Variants in LRRIQ3 observed in about 807,000 individuals in gnomAD.
LRRIQ3 encodes leucine-rich repeat and IQ domain-containing protein 3.
In LRRIQ3, 75 loss-of-function variants were observed where a neutral mutation model predicts 59.3. The observed-to-expected ratio is 1.26, with a 90% CI of 1.05 to 1.53. The LOEUF (loss-of-function observed/expected upper bound fraction) is 1.53. LRRIQ3 is among the 40% of genes most tolerant of loss of function. The pLI, the probability that LRRIQ3 is intolerant of heterozygous loss-of-function variation, is 0.00. For synonymous variants in LRRIQ3, 250 were observed against 231.3 expected, an observed-to-expected ratio of 1.08 and a Z score of -0.73; for missense variants, 831 against 710.0, an observed-to-expected ratio of 1.17 and a Z score of -1.94.
intron 1 of LRRIQ3, among the ~76,000 whole-genome samples, chr1:74,193,366 T>A (rs190292160): frequency 2.6e-5 from 4 of 152,238 alleles, no homozygotes; most frequent in African/African-American, 7.2e-5. Context: ...TTAGTTTGTA[T>A]CAACTAAAGT....
At chr1:74,167,177 T>C (rs921053689) in intron 3 of LRRIQ3, among the ~76,000 whole-genome samples, 3 of 151,920 alleles carry the variant, frequency 2.0e-5, no homozygotes, top group Non-Finnish European at 1.5e-5. Context: ...GCAGCACAAT[T>C]TGGAATTGCA....
intron 4 of LRRIQ3, among the ~76,000 whole-genome samples, chr1:74,128,611 G>A (rs998996399): frequency 2.0e-5 from 3 of 152,008 alleles, no homozygotes; most frequent in African/African-American, 7.2e-5. Flanking sequence ...CATTATTTAG[G>A]TTGTTTGGTG....
chr1:74,105,972 G>A (rs1017633830), intron 5 of LRRIQ3, among the ~76,000 whole-genome samples: 19 of 152,058 alleles, frequency 1.2e-4, no homozygotes, highest in Admixed American at 1.2e-3. Context: ...TGAACATTCA[G>A]TATGTTAGAA....
chr1:74,041,653 A>T lies in LRRIQ3; in HGVS notation c.1278T>A (p.Tyr426Ter), dbSNP rs1221514411. The change falls in exon 7 of 8, where the codon TAT becomes TAA. Residue 426 changes from tyrosine to a stop codon, truncating the protein, a stop_gained. Transcript: ENST00000354431. LOFTEE classifies it high-confidence loss of function. ...KLRTFSDIDK[Y>*]YTEQKKQEYH... is the part of the protein sequence containing the mutation. ...ATTCCTGCTTCTTTTGTTCTGTGTAATATTTGTCAATATCACTAAATGTTC... is the reference window on the plus strand; with the variant it reads ...ATTCCTGCTTCTTTTGTTCTGTGTATTATTTGTCAATATCACTAAATGTTC... The T allele has an allele frequency of 6.2e-7, 1 of 1,613,522 alleles. No homozygotes were observed. The highest frequency in any genetic ancestry group is 8.5e-7 in the Non-Finnish European group (1 of 1,179,820).
chr1:74,151,597 G>T (rs6680375), intron 4 of LRRIQ3, among the ~76,000 whole-genome samples: 81,534 of 151,150 alleles, frequency 0.54, 22,440 homozygotes, highest in East Asian at 0.82. Flanking sequence ...AATCCGGGGT[G>T]GGGGGGATGG....
intron 1 of LRRIQ3, among the ~76,000 whole-genome samples, chr1:74,188,241 G>T (rs181101660): frequency 2.0e-5 from 3 of 152,060 alleles, no homozygotes; most frequent in Admixed American, 6.5e-5. Context: ...CACATAAAGG[G>T]GAACAACACA....
intron 4 of LRRIQ3, among the ~76,000 whole-genome samples, chr1:74,149,495 T>A (rs764506425): frequency 6.6e-6 from 1 of 152,218 alleles, no homozygotes; most frequent in Non-Finnish European, 1.5e-5. Context: ...TCTGTAGACT[T>A]ACAGCAATGT....
At chr1:74,159,972 T>C (rs983318590) in intron 3 of LRRIQ3, among the ~76,000 whole-genome samples, 9 of 152,044 alleles carry the variant, frequency 5.9e-5, no homozygotes, top group African/African-American at 2.2e-4. Context: ...CTGTTCCTTA[T>C]ACACTATACC....
intron 1 of LRRIQ3, among the ~76,000 whole-genome samples, chr1:74,186,462 G>A (rs1473869875): frequency 6.6e-6 from 1 of 152,124 alleles, no homozygotes; most frequent in Non-Finnish European, 1.5e-5. Context: ...GCTATTAGAT[G>A]AATAACCTTG....
At chr1:74,073,839 A>G (rs1646165787) in intron 6 of LRRIQ3, among the ~76,000 whole-genome samples, 1 of 152,152 alleles carries the variant, frequency 6.6e-6, no homozygotes, top group Admixed American at 6.6e-5. Context: ...TGATTTTACA[A>G]AAGTGATTTT....
At chr1:74,196,791 T>C (rs1557666524) in intron 1 of LRRIQ3, among the ~76,000 whole-genome samples, 1 of 152,154 alleles carries the variant, frequency 6.6e-6, no homozygotes, top group Non-Finnish European at 1.5e-5. Flanking sequence ...ACCATCCTGG[T>C]CAAGCCTTCA....
chr1:74,060,608 G>A (rs1654694880), intron 6 of LRRIQ3, among the ~76,000 whole-genome samples: 2 of 151,936 alleles, frequency 1.3e-5, no homozygotes, highest in Admixed American at 1.3e-4. Flanking sequence ...ATTGGAGAGA[G>A]TATAGCTGGG....
chr1:74,145,705 C>T (rs1357498094), intron 4 of LRRIQ3, among the ~76,000 whole-genome samples: 1 of 151,912 alleles, frequency 6.6e-6, no homozygotes, highest in East Asian at 1.9e-4. Flanking sequence ...TAATGAATTA[C>T]TAATTTTTTT....
chr1:74,039,514 G>C (rs1287607641), intron 7 of LRRIQ3, among the ~76,000 whole-genome samples: 1 of 150,856 alleles, frequency 6.6e-6, no homozygotes, highest in Non-Finnish European at 1.5e-5. Flanking sequence ...TCAACCCCAA[G>C]ACACATATGG....
intron 3 of LRRIQ3, 131 bp from the exon 4 acceptor site, chr1:74,155,997 T>C (rs1412485093): frequency 3.7e-6 from 2 of 536,350 alleles, no homozygotes; most frequent in Non-Finnish European, 5.8e-6. Context: ...GGCATTATAG[T>C]TAAATTATGA....
At chr1:74,186,088 A>G (rs567301833) in intron 1 of LRRIQ3, among the ~76,000 whole-genome samples, 5 of 149,186 alleles carry the variant, frequency 3.4e-5, no homozygotes, top group Non-Finnish European at 7.4e-5. Flanking sequence ...CTATATAAAT[A>G]TATATAAATA....
chr1:74,086,177 C>T (rs189244898), intron 5 of LRRIQ3, among the ~76,000 whole-genome samples: 4 of 152,150 alleles, frequency 2.6e-5, no homozygotes, highest in Admixed American at 2.0e-4. Flanking sequence ...TTTGAGACTT[C>T]ATCACCCCTT....
At chr1:74,105,622 A>T (rs1002849140) in intron 5 of LRRIQ3, among the ~76,000 whole-genome samples, 1 of 152,006 alleles carries the variant, frequency 6.6e-6, no homozygotes, top group African/African-American at 2.4e-5. Context: ...ATAGATTTAA[A>T]TACAAACAGC....
intron 6 of LRRIQ3, among the ~76,000 whole-genome samples, chr1:74,063,145 C>CAAAA (rs1159421390): frequency 6.7e-6 from 1 of 149,786 alleles, no homozygotes; most frequent in East Asian, 2.0e-4. Context: ...ACAACAACAA[C>CAAAA]AACAACAAAA....
Sources: allele counts gnomAD v4.1 joint callset (sites outside exome capture counted in the v4.1 genomes callset), GRCh38; gene constraint gnomAD v4.1.1; transcripts MANE v1.5; gene names NCBI Gene and HGNC (gene_info 2026-07-23, HGNC 2026-07-21).